Variants in DDX52 observed in about 807,000 individuals in gnomAD.
DDX52 encodes probable ATP-dependent RNA helicase DDX52.
A neutral mutation model predicts 76.1 loss-of-function variants in DDX52; 59 were observed. The ratio of observed to expected loss-of-function variants is 0.78; its 90% CI spans 0.63 to 0.96. The LOEUF is 0.96. Ranked by LOEUF, DDX52 falls within the 40% of genes least tolerant of loss-of-function variation. DDX52 has a pLI of 0.00. For synonymous variants in DDX52, 231 were observed against 244.1 expected, an observed-to-expected ratio of 0.95 and a Z score of 0.50; for missense variants, 707 against 703.9, an observed-to-expected ratio of 1.00 and a Z score of -0.05.
chr17:37,634,091 T>A (rs947076343), intron 2 of DDX52, among the ~76,000 whole-genome samples: 1 of 151,584 alleles, frequency 6.6e-6, no homozygotes, highest in Non-Finnish European at 1.5e-5. Flanking sequence ...ATTACAGGAA[T>A]CCGCCACCAT....
At chr17:37,640,487 A>C (rs773724104) in intron 2 of DDX52, among the ~76,000 whole-genome samples, 2 of 152,138 alleles carry the variant, frequency 1.3e-5, no homozygotes, top group Non-Finnish European at 2.9e-5. Context: ...ATACATAGGA[A>C]TAGTGTCCCC....
chr17:37,619,910 C>T (rs556507809), intron 12 of DDX52, 71 bp from the exon 13 acceptor site: 3 of 1,473,268 alleles, frequency 2.0e-6, no homozygotes, highest in African/African-American at 1.4e-5. Flanking sequence ...AAACCCTCTG[C>T]ACAACCTTAC....
chr17:37,641,983 TG>T, intron 2 of DDX52, 126 bp downstream of exon 2: 1 of 1,164,572 alleles, frequency 8.6e-7, no homozygotes, highest in Non-Finnish European at 1.2e-6. Flanking sequence ...GACAAATACC[TG>T]GAAACAACCT....
intron 2 of DDX52, among the ~76,000 whole-genome samples, chr17:37,637,728 C>A (rs893580194): frequency 6.6e-6 from 1 of 151,852 alleles, no homozygotes; most frequent in Non-Finnish European, 1.5e-5. Flanking sequence ...GCATGCGCCA[C>A]CACGCCCGGC....
At chr17:37,633,940 CTTTTTTT>C (rs557054736) in intron 2 of DDX52, among the ~76,000 whole-genome samples, 4 of 129,996 alleles carry the variant, frequency 3.1e-5, no homozygotes, top group East Asian at 2.2e-4. Flanking sequence ...AATTTCTTTC[CTTTTTTT>C]TTTTTTTTTT....
intron 4 of DDX52, chr17:37,631,826 GTAGTTT>G (rs2030695295): frequency 4.4e-6 from 2 of 457,298 alleles, no homozygotes; most frequent in Non-Finnish European, 7.8e-6. Context: ...CGAATACAAA[GTAGTTT>G]AAAATGTAAA....
At position 37,612,827 on chromosome 17, in the gene DDX52, G is replaced by C. The variant is rs1353675784; in HGVS notation, c.*1469C>G. On this transcript the variant is annotated 3_prime_UTR_variant, in exon 15 of 15. Transcript: ENST00000617633. ...TTATAGATGAGAACACTGAAACTCT[G>C]AGAAATTAAGAACTTACTCAAAGTC... is the stretch of plus-strand genomic sequence containing the variant. 1 of 152,178 alleles carries C rather than the reference G, an allele frequency of 6.6e-6. No homozygotes were observed. Among genetic ancestry groups the C allele is most frequent in the East Asian group, 1.9e-4 (1 of 5,204 alleles). 9.4% of individuals were successfully genotyped at this position (152,178 alleles called of 1,614,324 possible). A position where few individuals can be genotyped will look rare whatever the true frequency, so the allele number is the denominator to read the frequency against.
chr17:37,626,217 CT>C, intron 7 of DDX52, 119 bp from the exon 8 acceptor site: 1 of 1,016,390 alleles, frequency 9.8e-7, no homozygotes, highest in Non-Finnish European at 1.4e-6. Flanking sequence ...CTCAGATCCA[CT>C]TTATCATACC....
At chr17:37,622,585 C>T (rs1227594921) in intron 9 of DDX52, among the ~76,000 whole-genome samples, 2 of 152,144 alleles carry the variant, frequency 1.3e-5, no homozygotes, top group Non-Finnish European at 2.9e-5. Flanking sequence ...TGAGCCACCA[C>T]GCCTGGCCGA....
chr17:37,614,179 A>G lies in DDX52; in HGVS notation c.*117T>C. 1 of 1,022,250 alleles carries G rather than the reference A, an allele frequency of 9.8e-7. No individual in the cohort carries two copies. Among genetic ancestry groups the G allele is most frequent in the Non-Finnish European group, 1.4e-6 (1 of 703,470 alleles). 63.3% of individuals were successfully genotyped at this position (1,022,250 alleles called of 1,614,324 possible). ...TTTATCACCAGTCCCATGTACTTGT[A>G]GTTGATTTCAAATGTTTGGTACAGG... On this transcript the variant is annotated 3_prime_UTR_variant, in exon 15 of 15. Transcript: ENST00000617633.
intron 1 of DDX52, 49 bp from the exon 2 acceptor site, chr17:37,642,357 C>T (rs781562846): frequency 6.4e-7 from 1 of 1,560,508 alleles, no homozygotes; most frequent in Non-Finnish European, 8.7e-7. Context: ...AATACCATTG[C>T]TTTCATTCAA....
chr17:37,619,908 T>C (rs1411445682), intron 12 of DDX52, 69 bp from the exon 13 acceptor site: 6 of 1,489,702 alleles, frequency 4.0e-6, no homozygotes, highest in Non-Finnish European at 5.6e-6. Flanking sequence ...GTAAACCCTC[T>C]GCACAACCTT....
rs1487815209 is a variant in DDX52, at chr17:37,625,200, T to C, written c.1136+695A>G. 2.6e-5 allele frequency among the ~76,000 whole-genome samples: 4 copies of C among 151,864 alleles called. No individual in the cohort carries two copies. In the East Asian group the frequency reaches 7.7e-4, roughly 29 times the overall value. ...AAGAGATGGGGTTTCGCCATGTTGG[T>C]CAGGCTGGTCTCGAACTCCTGACCT... On this transcript the variant is annotated intron_variant, in intron 8 of 14. Transcript: ENST00000617633.
chr17:37,618,642 C>T (rs1173233945), intron 13 of DDX52, among the ~76,000 whole-genome samples: 1 of 152,004 alleles, frequency 6.6e-6, no homozygotes, highest in Non-Finnish European at 1.5e-5. Flanking sequence ...CCACCACGCC[C>T]GGCTAAATTT....
intron 3 of DDX52, among the ~76,000 whole-genome samples, chr17:37,632,812 C>T (rs1334047046): frequency 1.3e-5 from 2 of 152,156 alleles, no homozygotes; most frequent in Non-Finnish European, 2.9e-5. Flanking sequence ...AGGAATACGG[C>T]AGGTGTACAG....
chr17:37,636,777 A>G (rs574764140), intron 2 of DDX52, among the ~76,000 whole-genome samples: 36 of 152,304 alleles, frequency 2.4e-4, no homozygotes, highest in Non-Finnish European at 1.0e-4. Flanking sequence ...TTGAAGATGG[A>G]AGTCTGTAGC....
chr17:37,625,818 T>G (rs770126415), intron 8 of DDX52, 77 bp downstream of exon 8: 1 of 1,526,560 alleles, frequency 6.6e-7, no homozygotes, highest in Admixed American at 1.7e-5. Flanking sequence ...CCAAGAAACC[T>G]ATCTCCTTCA....
chr17:37,626,736 T>A (rs2030395048), intron 7 of DDX52, 52 bp downstream of exon 7: 2 of 1,556,894 alleles, frequency 1.3e-6, no homozygotes, highest in South Asian at 1.2e-5. Flanking sequence ...GGACAAAATA[T>A]AATTAACTAA....
intron 2 of DDX52, among the ~76,000 whole-genome samples, chr17:37,635,107 A>T (rs994435280): frequency 1.3e-5 from 2 of 151,984 alleles, no homozygotes; most frequent in Non-Finnish European, 2.9e-5. Flanking sequence ...CCTAACCTAA[A>T]AACATTTTAA....
Sources: allele counts gnomAD v4.1 joint callset (sites outside exome capture counted in the v4.1 genomes callset), GRCh38; gene constraint gnomAD v4.1.1; transcripts MANE v1.5; gene names NCBI Gene and HGNC (gene_info 2026-07-23, HGNC 2026-07-21).